FAM135B: variants seen among roughly 807,000 people sequenced by gnomAD.
FAM135B encodes family with sequence similarity 135 member B.
Under a neutral mutation model 127.7 loss-of-function variants are expected in FAM135B, and 43 were observed. The observed-to-expected ratio is 0.34, with a 90% CI of 0.26 to 0.43. The LOEUF (loss-of-function observed/expected upper bound fraction) is 0.43, where lower values mean the gene tolerates loss of function less well. Ranked by LOEUF, FAM135B falls within the 20% of genes least tolerant of loss-of-function variation. The probability of loss-of-function intolerance (pLI) is 1.00; values close to 1 mark genes in which losing one functional copy is unlikely to be tolerated. For synonymous variants in FAM135B, 670 were observed against 665.1 expected (o/e 1.01, Z -0.11); for missense variants, 1,558 against 1,725.6 (o/e 0.90, Z 1.72).
At chr8:138,328,236 T>G (rs2130979978) in intron 2 of FAM135B, among the ~76,000 whole-genome samples, 1 of 152,252 alleles carries the variant, frequency 6.6e-6, no homozygotes, top group Non-Finnish European at 1.5e-5. Context: ...TTATTCAGGT[T>G]TCACCCATTT....
At chr8:138,145,402 T>A (rs1214268903) in intron 15 of FAM135B, among the ~76,000 whole-genome samples, 1 of 152,042 alleles carries the variant, frequency 6.6e-6, no homozygotes, top group Non-Finnish European at 1.5e-5. Context: ...ATATATAGTA[T>A]CCTCCTCTCC....
chr8:138,172,603 G>A (rs552207196), intron 11 of FAM135B, among the ~76,000 whole-genome samples: 89 of 152,134 alleles, frequency 5.9e-4, no homozygotes, highest in African/African-American at 2.0e-3. Flanking sequence ...TGTCTTCTCC[G>A]TCCAGTGAGG....
At chr8:138,306,524 C>T (rs1256992111) in intron 3 of FAM135B, among the ~76,000 whole-genome samples, 1 of 150,292 alleles carries the variant, frequency 6.7e-6, no homozygotes, top group Non-Finnish European at 1.5e-5. Context: ...TAGACCTCGT[C>T]TCTCTAAGGG....
At chr8:138,224,446 A>T (rs996977741) in intron 7 of FAM135B, among the ~76,000 whole-genome samples, 1 of 151,804 alleles carries the variant, frequency 6.6e-6, no homozygotes, top group Non-Finnish European at 1.5e-5. Context: ...TTATTTATTT[A>T]TTTTTTTTGA....
intron 7 of FAM135B, among the ~76,000 whole-genome samples, chr8:138,206,341 C>CCACAGCTCTATCATCCCCTCCACCTACG (rs1817588568): frequency 0.02 from 260 of 13,190 alleles, no homozygotes; most frequent in Non-Finnish European, 0.022. Context: ...CTCCACCTAC[C>CCACAGCTCTATCATCCCCTCCACCTACG]CACAACTCCA....
intron 1 of FAM135B, among the ~76,000 whole-genome samples, chr8:138,478,788 GA>G (rs1272663856): frequency 2.0e-5 from 3 of 152,202 alleles, no homozygotes; most frequent in African/African-American, 7.2e-5. Flanking sequence ...ATAAGGAGGG[GA>G]AAAACAAACC....
intron 3 of FAM135B, among the ~76,000 whole-genome samples, chr8:138,306,592 T>G (rs1324818067): frequency 1.3e-5 from 2 of 150,594 alleles, no homozygotes; most frequent in East Asian, 3.9e-4. Flanking sequence ...TTCTTTTTTT[T>G]TTTTTTTTGA....
At chr8:138,195,344 C>T (rs2131114514) in intron 8 of FAM135B, 37 bp from the exon 9 acceptor site, 1 of 1,595,430 alleles carries the variant, frequency 6.3e-7, no homozygotes, top group Non-Finnish European at 8.6e-7. Flanking sequence ...TTAAATGAAC[C>T]CACACTGAAA....
At chr8:138,304,318 T>G (rs1473385521) in intron 3 of FAM135B, among the ~76,000 whole-genome samples, 1 of 152,192 alleles carries the variant, frequency 6.6e-6, no homozygotes, top group Non-Finnish European at 1.5e-5. Flanking sequence ...ACAAAATGCT[T>G]CCTGTTGTCT....
At chr8:138,394,259 C>A (rs1035423011) in intron 1 of FAM135B, among the ~76,000 whole-genome samples, 6 of 152,172 alleles carry the variant, frequency 3.9e-5, no homozygotes, top group African/African-American at 1.2e-4. Context: ...GTCCCATGGG[C>A]CACCAGCTCC....
intron 3 of FAM135B, among the ~76,000 whole-genome samples, chr8:138,302,781 C>A (rs1205618987): frequency 1.3e-5 from 2 of 152,238 alleles, no homozygotes; most frequent in Non-Finnish European, 2.9e-5. Context: ...GGTCTTTGGG[C>A]CCCATGAAAG....
At chr8:138,267,570 GA>G (rs60418620) in intron 3 of FAM135B, among the ~76,000 whole-genome samples, 5,487 of 112,846 alleles carry the variant, frequency 0.049, 266 homozygotes, top group East Asian at 0.21. Context: ...TGGGAGCCAA[GA>G]AAAAAAAAAA....
intron 2 of FAM135B, among the ~76,000 whole-genome samples, chr8:138,332,695 G>A (rs1378549166): frequency 6.6e-6 from 1 of 152,038 alleles, no homozygotes; most frequent in Non-Finnish European, 1.5e-5. Flanking sequence ...GAGTGAACAC[G>A]GAGTGCAGGA....
intron 3 of FAM135B, among the ~76,000 whole-genome samples, chr8:138,281,377 G>T (rs1824250760): frequency 1.3e-5 from 2 of 151,708 alleles, no homozygotes; most frequent in African/African-American, 4.8e-5. Context: ...CTTACCTAAA[G>T]GATGTCTCTA....
chr8:138,257,878 TAA>T (rs1272255688), intron 4 of FAM135B, among the ~76,000 whole-genome samples: 1 of 78,350 alleles, frequency 1.3e-5, no homozygotes, highest in African/African-American at 6.2e-5. Context: ...CTACAAAAAA[TAA>T]AAAATAAAAA....
At chr8:138,389,874 T>C (rs960330119) in intron 1 of FAM135B, among the ~76,000 whole-genome samples, 1 of 152,190 alleles carries the variant, frequency 6.6e-6, no homozygotes, top group Non-Finnish European at 1.5e-5. Context: ...CTTACCCTCT[T>C]CTGGAAATTC....
chr8:138,494,474 C>T (rs937437500), intron 1 of FAM135B, among the ~76,000 whole-genome samples: 2 of 152,062 alleles, frequency 1.3e-5, no homozygotes, highest in African/African-American at 4.8e-5. Flanking sequence ...GTTGTGGGAG[C>T]ACATGAGAGA....
intron 1 of FAM135B, among the ~76,000 whole-genome samples, chr8:138,432,684 T>A (rs937027814): frequency 4.6e-5 from 7 of 152,064 alleles, no homozygotes; most frequent in African/African-American, 1.7e-4. Context: ...AACTGGTAGA[T>A]ATTTTGCTCT....
rs2130687471 is a variant in FAM135B at position 138,148,519 on chromosome 8, C to T, written c.3448+1G>A. 6.2e-7 allele frequency: 1 copy of T among 1,613,248 alleles called. No homozygotes were observed. Among genetic ancestry groups the T allele is most frequent in the Non-Finnish European group, 8.5e-7 (1 of 1,179,654 alleles). ...GGAAGAAAACTTGTTTTAGAACTCACCATCCAGGCCATGGACACAGACAAC... is the reference window on the plus strand; with the variant it reads ...GGAAGAAAACTTGTTTTAGAACTCATCATCCAGGCCATGGACACAGACAAC... On this transcript the variant is annotated splice_donor_variant, in intron 14 of 19. Coordinates refer to ENST00000395297, the MANE Select transcript of FAM135B (RefSeq NM_015912.4). LOFTEE classifies it high-confidence loss of function.
Sources: gnomAD v4.1 joint callset for allele counts (sites outside exome capture counted in the v4.1 genomes callset) on GRCh38, gnomAD v4.1.1 for gene constraint, MANE v1.5 for transcripts, NCBI Gene and HGNC (gene_info 2026-07-23, HGNC 2026-07-21) for gene names.